The following STS variants were observed in gnomAD, a reference collection of about 807,000 sequenced individuals.
STS encodes steroid sulfatase.
A neutral mutation model predicts 26.8 loss-of-function variants in STS; 7 were observed. The observed-to-expected ratio is 0.26, with a 90% CI of 0.15 to 0.49. The LOEUF (loss-of-function observed/expected upper bound fraction) is 0.49, where lower values mean the gene tolerates loss of function less well. STS is among the 20% of genes least tolerant of loss of function. The pLI, the probability that STS is intolerant of heterozygous loss-of-function variation, is 0.98. For missense variants in STS, 434 were observed against 465.6 expected (o/e 0.93, Z 0.63); for synonymous variants, 199 against 189.4 (o/e 1.05, Z -0.42).
intron 10 of STS, among the ~76,000 whole-genome samples, chrX:7,346,638 TG>T (rs1196997963): frequency 8.9e-6 from 1 of 111,991 alleles, no homozygotes; most frequent in Non-Finnish European, 1.9e-5. Context: ...TCAGAGCAGT[TG>T]ATGATAATTT....
At chrX:7,281,401 C>T (rs1924853345) in intron 7 of STS, among the ~76,000 whole-genome samples, 1 of 111,624 alleles carries the variant, frequency 9.0e-6, no homozygotes, top group Non-Finnish European at 1.9e-5. Flanking sequence ...ATTTCTCTCA[C>T]TCTCCTCTGC....
At chrX:7,265,363 A>G (rs1212147872) in intron 6 of STS, among the ~76,000 whole-genome samples, 1 of 112,137 alleles carries the variant, frequency 8.9e-6, no homozygotes, top group Non-Finnish European at 1.9e-5. Flanking sequence ...TTCCAGGGTG[A>G]ATCACCTTGT....
intron 2 of STS, among the ~76,000 whole-genome samples, chrX:7,240,533 G>GTATATA (rs58524417): frequency 1.2e-3 from 72 of 60,541 alleles, no homozygotes; most frequent in African/African-American, 2.0e-3. Context: ...GTGTGTGTGT[G>GTATATA]TATATATATA....
chrX:7,322,836 C>T (rs1427963255), intron 8 of STS, among the ~76,000 whole-genome samples: 1 of 111,941 alleles, frequency 8.9e-6, no homozygotes, highest in East Asian at 2.8e-4. Context: ...TTGGTTCCTT[C>T]AGTGACCATC....
At chrX:7,255,890 C>G (rs1359316575) in intron 3 of STS, among the ~76,000 whole-genome samples, 1 of 112,444 alleles carries the variant, frequency 8.9e-6, no homozygotes, top group East Asian at 2.8e-4. Flanking sequence ...CAGCACTACT[C>G]TGTGAGGGCA....
At chrX:7,257,613 C>A (rs1381613606) in intron 5 of STS, 25 bp downstream of exon 5, 1 of 1,209,871 alleles carries the variant, frequency 8.3e-7, no homozygotes. Flanking sequence ...GGGATGGGAA[C>A]CATCTATAGG....
Position 7,305,051 on chromosome X carries a change from A to G in STS, c.949A>G (p.Ile317Val). Residue 317 changes from isoleucine (I) to valine (V), a missense_variant, in exon 8 of 11, where the codon ATC becomes GTC. Around this residue, in one of 2 missense-constraint regions of STS, gnomAD observed 229 missense variants for 288.3 expected, o/e 0.79. Coordinates refer to ENST00000674429, the MANE Select transcript of STS (RefSeq NM_001320752.2). ...GGAGTCTTTTTCCCCTCCAGGGCAG[A>G]TCTTGAACCTTCTGGATGAGCTGAG... ...VEEMDWSVGQILNLLDELRLA... is the reference protein window; with the variant it reads ...VEEMDWSVGQVLNLLDELRLA... 8.3e-7 allele frequency: 1 copy of G among 1,211,149 alleles called. No homozygotes were observed. Among genetic ancestry groups the G allele is most frequent in the South Asian group, 1.8e-5 (1 of 56,985 alleles).
intron 2 of STS, among the ~76,000 whole-genome samples, chrX:7,204,117 C>G (rs1398113984): frequency 9.0e-6 from 1 of 111,469 alleles, no homozygotes; most frequent in Non-Finnish European, 1.9e-5. Context: ...CTGATGTTGC[C>G]TTTATATCAT....
At chrX:7,343,694 T>C (rs1249062575) in intron 10 of STS, among the ~76,000 whole-genome samples, 1 of 111,627 alleles carries the variant, frequency 9.0e-6, no homozygotes, top group Non-Finnish European at 1.9e-5. Flanking sequence ...AGGAAAAACC[T>C]TGGCCGAAGC....
Position 7,325,422 on chromosome X carries a change from A to G in STS, c.1165A>G (p.Ile389Val). ...CAGGGTGATACAGGCTGGCCAGAAGATTGATGAGCCCACTAGCAACATGGA... is the reference window on the plus strand; with the variant it reads ...CAGGGTGATACAGGCTGGCCAGAAGGTTGATGAGCCCACTAGCAACATGGA... Reference protein sequence around the residue: ...WPRVIQAGQKIDEPTSNMDIF... With the variant: ...WPRVIQAGQKVDEPTSNMDIF... Residue 389 changes from isoleucine to valine, a missense_variant, in exon 9 of 11, where the codon ATT becomes GTT. This residue lies in a region of STS where 205 missense variants were observed against 177.3 expected (regional missense o/e 1.16). Transcript: ENST00000674429. The G allele has an allele frequency of 8.3e-7, 1 of 1,211,410 alleles. No individual in the cohort carries two copies. Among genetic ancestry groups the G allele is most frequent in the Non-Finnish European group, 1.1e-6 (1 of 895,293 alleles).
At chrX:7,246,084 A>G (rs1368657308) in intron 2 of STS, among the ~76,000 whole-genome samples, 16 of 112,358 alleles carry the variant, frequency 1.4e-4, no homozygotes, top group Non-Finnish European at 2.3e-4. Context: ...GTTGAACGCA[A>G]TGAAGAATTG....
chrX:7,262,112 T>A, intron 6 of STS, among the ~76,000 whole-genome samples: 1 of 112,256 alleles, frequency 8.9e-6, no homozygotes, highest in East Asian at 2.8e-4. Context: ...AGTTTTTATT[T>A]TGGTTAACAT....
At chrX:7,188,801 C>T (rs921794846) in intron 1 of STS, among the ~76,000 whole-genome samples, 3 of 111,526 alleles carry the variant, frequency 2.7e-5, no homozygotes, top group Admixed American at 1.9e-4. Context: ...CAAGGAGAGA[C>T]GCCCAATTGT....
At chrX:7,228,347 T>G (rs1254120623) in intron 2 of STS, among the ~76,000 whole-genome samples, 1 of 111,974 alleles carries the variant, frequency 8.9e-6, no homozygotes, top group Non-Finnish European at 1.9e-5. Flanking sequence ...CCACCAGCCA[T>G]GTGCAAAGAA....
intron 2 of STS, among the ~76,000 whole-genome samples, chrX:7,245,929 G>A (rs780786683): frequency 3.2e-4 from 36 of 111,852 alleles, no homozygotes; most frequent in Non-Finnish European, 6.2e-4. Flanking sequence ...GTTGAAGGTA[G>A]GAGAGTTCAC....
At chrX:7,170,824 G>C (rs1204315361) in intron 1 of STS, among the ~76,000 whole-genome samples, 1 of 110,814 alleles carries the variant, frequency 9.0e-6, no homozygotes, top group Non-Finnish European at 1.9e-5. Context: ...GAGTCGCTGG[G>C]AATGTATGGA....
intron 3 of STS, among the ~76,000 whole-genome samples, chrX:7,254,577 C>CTTTTTTTTTTTTTTTTTTTTT (rs34965003): frequency 2.6e-4 from 19 of 73,063 alleles, no homozygotes; most frequent in South Asian, 6.2e-4. Flanking sequence ...TTTTCTTCTT[C>CTTTTTTTTTTTTTTTTTTTTT]TTTTTTTTTT....
intron 1 of STS, among the ~76,000 whole-genome samples, chrX:7,152,628 A>T (rs975151681): frequency 8.9e-6 from 1 of 112,930 alleles, no homozygotes; most frequent in Non-Finnish European, 1.9e-5. Context: ...CCTAACATTT[A>T]ATATTTGTGT....
At chrX:7,331,686 G>A (rs182315489) in intron 9 of STS, among the ~76,000 whole-genome samples, 1 of 110,816 alleles carries the variant, frequency 9.0e-6, no homozygotes, top group East Asian at 2.8e-4. Context: ...TCCCACAAGT[G>A]GTTTAAGACA....
Sources: gnomAD v4.1 joint callset for allele counts (sites outside exome capture counted in the v4.1 genomes callset) on GRCh38, gnomAD v4.1.1 for gene constraint, gnomAD v4.1.1 regional missense constraint, MANE v1.5 for transcripts, NCBI Gene and HGNC (gene_info 2026-07-23, HGNC 2026-07-21) for gene names.